RPRD2: variants seen among roughly 807,000 people sequenced by gnomAD.
RPRD2 encodes regulation of nuclear pre-mRNA domain-containing protein 2.
A neutral mutation model predicts 104.4 loss-of-function variants in RPRD2; 12 were observed. The ratio of observed to expected loss-of-function variants is 0.11; its 90% CI spans 0.07 to 0.19. RPRD2 has a LOEUF of 0.19. Among genes scored for constraint, RPRD2 ranks in the 10% least tolerant of loss-of-function variants. The pLI, the probability that RPRD2 is intolerant of heterozygous loss-of-function variation, is 1.00. For missense variants in RPRD2, 1,543 were observed against 1,790.1 expected (o/e 0.86, Z 2.49); for synonymous variants, 714 against 684.9 (o/e 1.04, Z -0.66).
chr1:150,457,928 G>T (rs781938320), intron 8 of RPRD2, among the ~76,000 whole-genome samples: 2 of 152,118 alleles, frequency 1.3e-5, no homozygotes, highest in African/African-American at 4.8e-5. Flanking sequence ...AAACTTATCC[G>T]GGTATGGTGG....
chr1:150,464,367 T>G (rs1372522627), intron 9 of RPRD2, among the ~76,000 whole-genome samples, 160 bp from the exon 10 acceptor site: 9 of 148,230 alleles, frequency 6.1e-5, no homozygotes, highest in Admixed American at 3.3e-4. Flanking sequence ...TCAGGGTTTT[T>G]TTTTTTTTTT....
intron 1 of RPRD2, among the ~76,000 whole-genome samples, chr1:150,412,490 A>G (rs1345244633): frequency 1.3e-5 from 2 of 152,164 alleles, no homozygotes; most frequent in African/African-American, 4.8e-5. Context: ...AACCACTGAA[A>G]ACGGTTTAGG....
rs750166822 is a variant in RPRD2, at chr1:150,472,797, T to G, written c.3849T>G (p.Gly1283=). Residue 1283 remains glycine, a synonymous_variant, in exon 11 of 11, where the codon GGT becomes GGG. Coordinates refer to ENST00000369068, the MANE Select transcript of RPRD2 (RefSeq NM_015203.5). The stretch of plus-strand genomic sequence containing the variant: ...CTCCTGGGGAACATAGCAGCAGTGG[T>G]GGGAGTGGTGTCCCCTTTTCTACTC... ...PPPPGEHSSS[G]GSGVPFSTPP... 9 of 1,610,894 alleles carry G rather than the reference T, an allele frequency of 5.6e-6. No individual in the cohort carries two copies. The highest frequency in any genetic ancestry group is 7.6e-6 in the Non-Finnish European group (9 of 1,177,442).
At chr1:150,376,868 T>C (rs1660736696) in intron 1 of RPRD2, among the ~76,000 whole-genome samples, 1 of 151,592 alleles carries the variant, frequency 6.6e-6, no homozygotes, top group African/African-American at 2.4e-5. Flanking sequence ...TAAAATTCTC[T>C]TATAATATGT....
At chr1:150,468,534 C>T (rs1180596781) in intron 10 of RPRD2, among the ~76,000 whole-genome samples, 5 of 151,988 alleles carry the variant, frequency 3.3e-5, no homozygotes, top group Non-Finnish European at 7.4e-5. Flanking sequence ...TTATATATCA[C>T]ATTCTAGTGT....
chr1:150,412,503 G>T (rs1664015477), intron 1 of RPRD2, among the ~76,000 whole-genome samples: 1 of 152,146 alleles, frequency 6.6e-6, no homozygotes. Context: ...GGTTTAGGAT[G>T]AGTTATCCTA....
intron 9 of RPRD2, among the ~76,000 whole-genome samples, chr1:150,462,756 C>A (rs1668022842): frequency 6.6e-6 from 1 of 152,124 alleles, no homozygotes; most frequent in Non-Finnish European, 1.5e-5. Flanking sequence ...GGGCTTTTAC[C>A]ATGTTAGCCA....
intron 2 of RPRD2, among the ~76,000 whole-genome samples, chr1:150,436,127 A>AG (rs1553893019): frequency 6.7e-6 from 1 of 148,264 alleles, no homozygotes; most frequent in African/African-American, 2.5e-5. Flanking sequence ...GCTCTTGTTC[A>AG]GGGAAAAAAA....
In RPRD2 at chr1:150,364,201, G is replaced by C. The variant is rs113619582; in HGVS notation, c.-514G>C. On this transcript the variant is annotated 5_prime_UTR_variant, in exon 1 of 11. Coordinates refer to ENST00000369068, the MANE Select transcript of RPRD2 (RefSeq NM_015203.5). ...TTGCAAAAAAAATCCTGACTAGGTA[G>C]CCTTGGACCTTTTCTGTGCTAGCGA... Among the ~76,000 whole-genome samples, 305 of 152,330 alleles carry C rather than the reference G, an allele frequency of 2.0e-3. 1 individual carries two copies. The highest frequency in any genetic ancestry group is 4.3e-3 in the Admixed American group (65 of 15,292).
intron 1 of RPRD2, among the ~76,000 whole-genome samples, chr1:150,388,454 A>ATATGCATATATACACACATATATG (rs1661799470): frequency 1.3e-5 from 2 of 148,544 alleles, no homozygotes; most frequent in Admixed American, 6.8e-5. Flanking sequence ...ACACATATAT[A>ATATGCATATATACACACATATATG]TGTATATGCA....
At chr1:150,380,803 C>T (rs1433366636) in intron 1 of RPRD2, among the ~76,000 whole-genome samples, 1 of 152,120 alleles carries the variant, frequency 6.6e-6, no homozygotes, top group Non-Finnish European at 1.5e-5. Context: ...TACAGGTGCT[C>T]GCTACCACGT....
chr1:150,368,208 T>G (rs1303083304), intron 1 of RPRD2, among the ~76,000 whole-genome samples: 9 of 86,150 alleles, frequency 1.0e-4, no homozygotes, highest in African/African-American at 2.3e-4. Context: ...ATTTCTTGTT[T>G]TTTTTTTTTT....
Position 150,473,000 on chromosome 1 carries a change from G to A in RPRD2, c.4052G>A (p.Gly1351Asp), listed in dbSNP as rs760213241. 3 of 1,614,014 alleles carry A rather than the reference G, an allele frequency of 1.9e-6. No homozygotes were observed. The highest frequency in any genetic ancestry group is 3.3e-5 in the Admixed American group (2 of 60,030). The change falls in exon 11 of 11, where the codon GGC becomes GAC. Residue 1351 changes from glycine (G) to aspartate (D), a missense_variant. Gly to Asp is a moderately conservative substitution (Grantham distance 94). Coordinates refer to ENST00000369068, the MANE Select transcript of RPRD2 (RefSeq NM_015203.5). The part of the protein sequence containing the change: ...GVLPGPRDHG[G>D]PTQRDLNGPG... ...CTCCCAGGACCCAGGGACCACGGGG[G>A]CCCCACCCAACGGGACCTCAACGGC...
intron 2 of RPRD2, among the ~76,000 whole-genome samples, chr1:150,425,048 A>T (rs899504527): frequency 6.6e-6 from 1 of 152,188 alleles, no homozygotes; most frequent in South Asian, 2.1e-4. Context: ...GTGTGCATAG[A>T]TTTGAATTCT....
rs1473097202 is a variant in RPRD2, at chr1:150,386,422, C to A, written c.205+21503C>A. On this transcript the variant is annotated intron_variant, in intron 1 of 10. Coordinates refer to ENST00000369068, the MANE Select transcript of RPRD2 (RefSeq NM_015203.5). ...CAACGTGACAAAGCCCCATCTCTAC[C>A]AAGAATACAAAAAAAATTAGCTGGG... Among the ~76,000 whole-genome samples, 3 of 152,076 alleles carry A rather than the reference C, an allele frequency of 2.0e-5. No individual in the cohort carries two copies. In the East Asian group the frequency reaches 5.8e-4, roughly 29 times the overall value.
intron 1 of RPRD2, among the ~76,000 whole-genome samples, chr1:150,382,472 A>G (rs1426437941): frequency 6.6e-6 from 1 of 151,712 alleles, no homozygotes; most frequent in African/African-American, 2.4e-5. Flanking sequence ...CCCGGATTCA[A>G]GTGATCCTCT....
chr1:150,375,436 A>G (rs946741672), intron 1 of RPRD2, among the ~76,000 whole-genome samples: 1 of 152,216 alleles, frequency 6.6e-6, no homozygotes, highest in Non-Finnish European at 1.5e-5. Flanking sequence ...AAACACTAAT[A>G]TTAAAATTTG....
At chr1:150,397,747 CTTAT>C (rs1208416190) in intron 1 of RPRD2, among the ~76,000 whole-genome samples, 9 of 151,950 alleles carry the variant, frequency 5.9e-5, no homozygotes, top group African/African-American at 1.9e-4. Context: ...ATAAACATTT[CTTAT>C]TTATTTATTT....
chr1:150,372,496 CACACACACAG>C (rs1393592147), intron 1 of RPRD2, among the ~76,000 whole-genome samples: 25 of 144,112 alleles, frequency 1.7e-4, no homozygotes, highest in Admixed American at 1.4e-3. Flanking sequence ...GAAACACACA[CACACACACAG>C]ACACACACAC....
Sources: gnomAD v4.1 joint callset for allele counts (sites outside exome capture counted in the v4.1 genomes callset) on GRCh38, gnomAD v4.1.1 for gene constraint, MANE v1.5 for transcripts, NCBI Gene and HGNC (gene_info 2026-07-23, HGNC 2026-07-21) for gene names.